Variants in CSTPP1 observed in about 807,000 individuals in gnomAD.
The protein encoded by CSTPP1 is UPF0705 protein C11orf49.
chr11:47,144,257 T>C, the CSTPP1 span, among the ~76,000 whole-genome samples: 1 of 152,058 alleles, frequency 6.6e-6, no homozygotes, highest in Non-Finnish European at 1.5e-5. Context: ...GGCGTGATCT[T>C]AGCTCGCTGC....
At chr11:47,070,026 AATTTT>A in the CSTPP1 span, among the ~76,000 whole-genome samples, 1 of 151,356 alleles carries the variant, frequency 6.6e-6, no homozygotes, top group African/African-American at 2.4e-5. Flanking sequence ...GTTGCTTTTT[AATTTT>A]AAAGTTAGGC....
the CSTPP1 span, among the ~76,000 whole-genome samples, chr11:47,086,232 TCCAAAAAAAA>T: frequency 2.5e-4 from 8 of 31,768 alleles, no homozygotes; most frequent in African/African-American, 7.2e-4. Flanking sequence ...CTACTAAAAA[TCCAAAAAAAA>T]AAAAAAAAAA....
chr11:47,062,000 C>T, the CSTPP1 span, among the ~76,000 whole-genome samples: 1 of 152,080 alleles, frequency 6.6e-6, no homozygotes, highest in Non-Finnish European at 1.5e-5. Context: ...TTCTCTCCCA[C>T]CTGAAGCTCC....
chr11:47,080,280 C>T, the CSTPP1 span, among the ~76,000 whole-genome samples: 1 of 151,832 alleles, frequency 6.6e-6, no homozygotes, highest in Non-Finnish European at 1.5e-5. Flanking sequence ...ATGGTGAAAC[C>T]CTGTCTCTAC....
the CSTPP1 span, among the ~76,000 whole-genome samples, chr11:46,992,541 A>C: frequency 6.9e-4 from 105 of 152,132 alleles, 1 homozygote; most frequent in African/African-American, 2.4e-3. Context: ...TTCCAGCTTC[A>C]TCCATGTCCC....
the CSTPP1 span, among the ~76,000 whole-genome samples, chr11:47,078,161 T>C: frequency 6.6e-6 from 1 of 152,158 alleles, no homozygotes; most frequent in Non-Finnish European, 1.5e-5. Flanking sequence ...GAAATAGCAG[T>C]ATAAACATAT....
the CSTPP1 span, among the ~76,000 whole-genome samples, chr11:46,996,544 C>T: frequency 2.0e-5 from 3 of 152,090 alleles, no homozygotes; most frequent in East Asian, 1.9e-4. Context: ...CCTCGTGATC[C>T]GCCCGTCTCG....
the CSTPP1 span, among the ~76,000 whole-genome samples, chr11:47,008,497 C>T: frequency 4.6e-5 from 7 of 150,846 alleles, no homozygotes; most frequent in African/African-American, 1.7e-4. Flanking sequence ...TCTGAGGTTT[C>T]TTTTTTTTTA....
the CSTPP1 span, among the ~76,000 whole-genome samples, chr11:46,950,661 G>T: frequency 6.6e-6 from 1 of 151,578 alleles, no homozygotes; most frequent in Non-Finnish European, 1.5e-5. Context: ...GCCCAGGCTG[G>T]AGTGCAATGG....
chr11:46,936,841 C>T, the CSTPP1 span: 93 of 1,594,342 alleles, frequency 5.8e-5, no homozygotes, highest in African/African-American at 3.7e-4. Context: ...TACCGGACTA[C>T]GAGTATCTGG....
chr11:47,134,082 C>T, the CSTPP1 span, among the ~76,000 whole-genome samples: 1 of 152,188 alleles, frequency 6.6e-6, no homozygotes, highest in Non-Finnish European at 1.5e-5. Context: ...TGCTCACCAG[C>T]TTATTTCATC....
the CSTPP1 span, among the ~76,000 whole-genome samples, chr11:46,985,013 C>T: frequency 2.0e-5 from 3 of 151,298 alleles, no homozygotes; most frequent in South Asian, 2.1e-4. Flanking sequence ...TAGTTTTGGC[C>T]GTTTCTTAAA....
At chr11:47,023,803 T>A in the CSTPP1 span, among the ~76,000 whole-genome samples, 24 of 152,354 alleles carry the variant, frequency 1.6e-4, no homozygotes, top group East Asian at 4.6e-3. Flanking sequence ...TTCTTAAGAC[T>A]GAATAATAGT....
chr11:47,055,353 C>T, the CSTPP1 span, among the ~76,000 whole-genome samples: 1 of 142,320 alleles, frequency 7.0e-6, no homozygotes, highest in African/African-American at 2.6e-5. Flanking sequence ...CTTCCCCTCC[C>T]TCCCTCCCCT....
At chr11:47,138,260 A>G in the CSTPP1 span, among the ~76,000 whole-genome samples, 1 of 152,126 alleles carries the variant, frequency 6.6e-6, no homozygotes, top group Non-Finnish European at 1.5e-5. Flanking sequence ...CGCTTATAAA[A>G]CCATCAAATG....
the CSTPP1 span, among the ~76,000 whole-genome samples, chr11:47,002,014 T>C: frequency 6.6e-6 from 1 of 152,158 alleles, no homozygotes; most frequent in East Asian, 1.9e-4. Flanking sequence ...TGTGGTGTGG[T>C]AAAGTAATGG....
At chr11:46,978,657 T>A in the CSTPP1 span, among the ~76,000 whole-genome samples, 1 of 152,220 alleles carries the variant, frequency 6.6e-6, no homozygotes, top group Non-Finnish European at 1.5e-5. Context: ...CATCCTTTAC[T>A]TTCATAACAA....
the CSTPP1 span, among the ~76,000 whole-genome samples, chr11:47,038,318 C>A: frequency 9.2e-4 from 92 of 100,134 alleles, 12 homozygotes; most frequent in Admixed American, 9.8e-3. Flanking sequence ...GGCGGCTGGC[C>A]GGGCGGGGGG....
At chr11:47,054,277 C>G in the CSTPP1 span, among the ~76,000 whole-genome samples, 1 of 144,168 alleles carries the variant, frequency 6.9e-6, no homozygotes, top group South Asian at 2.2e-4. Flanking sequence ...CGCTACTGCA[C>G]TCCAGCCTGG....
Sources: allele counts gnomAD v4.1 joint callset (sites outside exome capture counted in the v4.1 genomes callset), GRCh38; gene constraint gnomAD v4.1.1; transcripts MANE v1.5; gene names NCBI Gene and HGNC (gene_info 2026-07-23, HGNC 2026-07-21).